Variants in KATNB1 observed in about 807,000 individuals in gnomAD.
KATNB1 encodes katanin p80 WD40 repeat-containing subunit B1.
In KATNB1, 38 loss-of-function variants were observed where a neutral mutation model predicts 82.3. The observed-to-expected ratio is 0.46, with a 90% CI of 0.36 to 0.61. The LOEUF is 0.61. Ranked by LOEUF, KATNB1 falls within the 20% of genes least tolerant of loss-of-function variation. The pLI is 0.00. For missense variants in KATNB1, 749 were observed against 915.7 expected, an observed-to-expected ratio of 0.82 and a Z score of 2.35; for synonymous variants, 361 against 368.7, an observed-to-expected ratio of 0.98 and a Z score of 0.24.
At chr16:57,753,888 G>A in intron 12 of KATNB1, 57 bp from the exon 13 acceptor site, 1 of 1,562,162 alleles carries the variant, frequency 6.4e-7, no homozygotes, top group Admixed American at 1.7e-5. Flanking sequence ...ACAGGGCCCT[G>A]GGTCCCAGGT....
At chr16:57,739,155 A>G (rs747016631) in intron 2 of KATNB1, among the ~76,000 whole-genome samples, 1 of 152,156 alleles carries the variant, frequency 6.6e-6, no homozygotes, top group African/African-American at 2.4e-5. Context: ...GCCGTGCTTT[A>G]TCATAAAGGC....
chr16:57,756,256 C>G (rs2049277351), intron 18 of KATNB1, 100 bp from the exon 19 acceptor site: 3 of 1,176,420 alleles, frequency 2.6e-6, no homozygotes, highest in Non-Finnish European at 3.8e-6. Context: ...GTGGGTGTGT[C>G]TGTGTCTGTT....
chr16:57,751,848 A>T lies in KATNB1; in HGVS notation c.517-92A>T. ...CCCAAGCCTATCCCGAGTGGAAGGT[A>T]GCTTGTGGATAAAGAGCTTGGCCTG... On this transcript the variant is annotated intron_variant, in intron 7 of 19. Transcript: ENST00000379661. The surrounding 1 kb of genome is among the most constrained non-coding windows in gnomAD (Gnocchi z 6.3). 1 of 1,393,980 alleles carries T rather than the reference A, an allele frequency of 7.2e-7. No individual in the cohort carries two copies. Among genetic ancestry groups the T allele is most frequent in the Non-Finnish European group, 1.0e-6 (1 of 991,434 alleles). 86.4% of individuals were successfully genotyped at this position (1,393,980 alleles called of 1,614,324 possible).
intron 1 of KATNB1, chr16:57,736,729 C>T: frequency 3.5e-6 from 1 of 283,934 alleles, no homozygotes; most frequent in South Asian, 3.3e-5. Context: ...CTTTAGGCAG[C>T]CAGCATCCCG....
At chr16:57,753,647 T>C (rs2049250071) in intron 12 of KATNB1, 128 bp downstream of exon 12, 1 of 1,265,050 alleles carries the variant, frequency 7.9e-7, no homozygotes, top group Non-Finnish European at 1.1e-6. Context: ...CTGGGCTCCG[T>C]ATCCTGTCCT....
chr16:57,756,118 G>C (rs1555586211), intron 18 of KATNB1, 52 bp downstream of exon 18: 1 of 1,576,664 alleles, frequency 6.3e-7, no homozygotes, highest in Non-Finnish European at 8.6e-7. Flanking sequence ...GGAGAGGTAA[G>C]AAGCCTCCTC....
At chr16:57,736,931 T>C in intron 1 of KATNB1, 47 bp from the exon 2 acceptor site, 1 of 624,712 alleles carries the variant, frequency 1.6e-6, no homozygotes. Flanking sequence ...GCAACAGCTC[T>C]TACCAAGCAT....
chr16:57,746,984 C>T (rs371179001), intron 4 of KATNB1, among the ~76,000 whole-genome samples: 10 of 152,174 alleles, frequency 6.6e-5, no homozygotes, highest in Admixed American at 4.6e-4. Flanking sequence ...CAGGTTTAAG[C>T]GATTCTCCTG....
Position 57,756,430 on chromosome 16 carries a change from C to T in KATNB1, c.1793C>T (p.Ala598Val), listed in dbSNP as rs202016179. The change falls in exon 19 of 20, where the codon GCG becomes GTG. Residue 598 changes from alanine to valine, a missense_variant. This residue lies in a region of KATNB1 where 95 missense variants were observed against 131.6 expected (regional missense o/e 0.72). Coordinates refer to ENST00000379661, the MANE Select transcript of KATNB1 (RefSeq NM_005886.3). Reference protein sequence around the residue: ...RFLPLITDMLAAPPSVGVDIS... With the variant: ...RFLPLITDMLVAPPSVGVDIS... ...CTGCCCCTCATCACAGACATGCTGG[C>T]GGCCCCACCCTCTGTGGGTGTGGAT... 2.4e-5 allele frequency: 38 copies of T among 1,613,814 alleles called. No individual in the cohort carries two copies. The highest frequency in any genetic ancestry group is 3.3e-4 in the Middle Eastern group (2 of 6,062).
chr16:57,756,282 C>T, intron 18 of KATNB1, 74 bp from the exon 19 acceptor site: 1 of 1,380,802 alleles, frequency 7.2e-7, no homozygotes. Context: ...CCCTCTCCTC[C>T]TTTGTTCCTT....
chr16:57,751,729 C>T lies in KATNB1; in HGVS notation c.516+5C>T, dbSNP rs2049229564. 2 of 1,608,428 alleles carry T rather than the reference C, an allele frequency of 1.2e-6. No homozygotes were observed. Among genetic ancestry groups the T allele is most frequent in the Non-Finnish European group, 8.5e-7 (1 of 1,179,888 alleles). On this transcript the variant is annotated splice_donor_5th_base_variant and intron_variant, in intron 7 of 19. Transcript: ENST00000379661. This position sits in a 1 kb window ranked among gnomAD's most constrained non-coding sequence, Gnocchi z 6.3. ...GCAGATGACCACACCGTGAAGGTAG[C>T]TCCCGGCCTGACCTGGGCCCAGGGG... is the stretch of plus-strand genomic sequence containing the variant.
chr16:57,751,626 C>A lies in KATNB1; in HGVS notation c.433-15C>A, dbSNP rs536677744. Reference sequence around the variant, plus strand: ...CCAGGATCCCAGGGTGAGCTCATGCCGTGTCCTCCCTCAGGGGCACAGCCA... The same window carrying A: ...CCAGGATCCCAGGGTGAGCTCATGCAGTGTCCTCCCTCAGGGGCACAGCCA... On this transcript the variant is annotated splice_polypyrimidine_tract_variant and intron_variant, in intron 6 of 19. Coordinates refer to ENST00000379661, the MANE Select transcript of KATNB1 (RefSeq NM_005886.3). This position sits in a 1 kb window ranked among gnomAD's most constrained non-coding sequence, Gnocchi z 6.3. 6.2e-7 allele frequency: 1 copy of A among 1,608,964 alleles called. No individual in the cohort carries two copies. Among genetic ancestry groups the A allele is most frequent in the Admixed American group, 1.7e-5 (1 of 60,002 alleles).
intron 2 of KATNB1, among the ~76,000 whole-genome samples, chr16:57,741,099 T>C (rs1436536754): frequency 6.6e-6 from 1 of 152,092 alleles, no homozygotes; most frequent in African/African-American, 2.4e-5. Flanking sequence ...CAGAACCTGA[T>C]CCGTGATTGT....
In KATNB1 at chr16:57,752,597, G is replaced by A. The variant is rs781977681; in HGVS notation, c.700G>A (p.Val234Ile). The change falls in exon 9 of 20, where the codon GTC (valine) becomes ATC (isoleucine). Residue 234 changes from valine to isoleucine, a missense_variant. Physicochemically the swap from Val to Ile is conservative, Grantham distance 29. Coordinates refer to ENST00000379661, the MANE Select transcript of KATNB1 (RefSeq NM_005886.3). The part of the protein sequence containing the change: ...VSCIEGEPGP[V>I]RSVLFNPDGC... ...CTGCATCGAAGGGGAGCCTGGGCCC[G>A]TCAGGTACGCAGGCTGTGGGGTGGG... The A allele has an allele frequency of 3.6e-5, 57 of 1,565,410 alleles. 1 individual carries two copies. The highest frequency in any genetic ancestry group is 3.2e-4 in the South Asian group (27 of 85,200).
intron 15 of KATNB1, 27 bp from the exon 16 acceptor site, chr16:57,755,318 C>T (rs2049267342): frequency 1.9e-6 from 3 of 1,612,072 alleles, no homozygotes; most frequent in Non-Finnish European, 2.5e-6. Flanking sequence ...CCTCCCATGC[C>T]AGCATCTGGG....
chr16:57,736,816 G>C lies in KATNB1; in HGVS notation c.-266-162G>C. The C allele has an allele frequency of 7.9e-6, 3 of 379,220 alleles. 1 individual carries two copies. The highest frequency in any genetic ancestry group is 6.2e-5 in the South Asian group (3 of 48,766). 23.5% of individuals were successfully genotyped at this position (379,220 alleles called of 1,614,324 possible). ...TTACGTTCCAAATCACCCTACCTGA[G>C]GTGCCCCCTCTGCAGATTCCCAAAC... On this transcript the variant is annotated intron_variant, in intron 1 of 19. Transcript: ENST00000379661.
At chr16:57,743,643 C>T (rs538227626) in intron 3 of KATNB1, among the ~76,000 whole-genome samples, 53 of 152,346 alleles carry the variant, frequency 3.5e-4, no homozygotes, top group African/African-American at 1.2e-3. Context: ...TGTCAGGCCC[C>T]AGCCGGCCTC....
chr16:57,753,619 C>G, intron 12 of KATNB1, 100 bp downstream of exon 12: 1 of 1,472,894 alleles, frequency 6.8e-7, no homozygotes, highest in Non-Finnish European at 9.3e-7. Context: ...ATCCCTTTAA[C>G]TTCCTCCTAA....
chr16:57,736,061 G>C (rs528849434), intron 1 of KATNB1: 1 of 152,884 alleles, frequency 6.5e-6, no homozygotes, highest in African/African-American at 2.4e-5. Flanking sequence ...GGTGGAGGCC[G>C]GAGGGGGCAA....
Sources: allele counts gnomAD v4.1 joint callset (sites outside exome capture counted in the v4.1 genomes callset), GRCh38; gene constraint gnomAD v4.1.1; regional missense constraint gnomAD v4.1.1; non-coding constraint Gnocchi (gnomAD v3.1); transcripts MANE v1.5; gene names NCBI Gene and HGNC (gene_info 2026-07-23, HGNC 2026-07-21).